ACER2: variants seen among roughly 807,000 people sequenced by gnomAD.
ACER2 encodes the protein alkaline ceramidase 2.
Under a neutral mutation model 34.7 loss-of-function variants are expected in ACER2, and 26 were observed. The observed-to-expected ratio is 0.75, with a 90% CI of 0.55 to 1.04. The LOEUF (loss-of-function observed/expected upper bound fraction) is 1.04. Among genes scored for constraint, ACER2 ranks in the 50% least tolerant of loss-of-function variants. The probability of loss-of-function intolerance (pLI) is 0.00; values close to 1 mark genes in which losing one functional copy is unlikely to be tolerated. For missense variants in ACER2, 352 were observed against 340.8 expected (o/e 1.03, Z -0.26); for synonymous variants, 138 against 132.1 (o/e 1.04, Z -0.31).
Position 19,430,128 on chromosome 9 carries a change from T to A in ACER2, c.366-4819T>A, listed in dbSNP as rs892837817. On this transcript the variant is annotated intron_variant, in intron 3 of 5. Coordinates refer to ENST00000340967, the MANE Select transcript of ACER2 (RefSeq NM_001010887.3). The stretch of plus-strand genomic sequence containing the variant: ...TTTTCAAGCCTATACCCTGTGTCCC[T>A]TTTTACTGTGTAAAAAAGCCAATGA... Among the ~76,000 whole-genome samples, 15 of 145,876 alleles carry A rather than the reference T, an allele frequency of 1.0e-4. 1 individual carries two copies. Among genetic ancestry groups the A allele is most frequent in the African/African-American group, 3.9e-4 (15 of 38,024 alleles).
rs1176066660 is a variant in ACER2 at position 19,451,204 on chromosome 9, C to T, written c.*568C>T. 1 of 152,318 alleles carries T rather than the reference C, an allele frequency of 6.6e-6. No homozygotes were observed. The highest frequency in any genetic ancestry group is 1.9e-4 in the East Asian group (1 of 5,202). 9.4% of individuals were successfully genotyped at this position (152,318 alleles called of 1,614,324 possible). On this transcript the variant is annotated 3_prime_UTR_variant, in exon 6 of 6. Coordinates refer to ENST00000340967, the MANE Select transcript of ACER2 (RefSeq NM_001010887.3). ...GCATCTCTTCCTGGAGAAAGCTGGCCTGCTCCAGACCCCACCATTCCCAGG... is the reference window on the plus strand; with the variant it reads ...GCATCTCTTCCTGGAGAAAGCTGGCTTGCTCCAGACCCCACCATTCCCAGG...
At chr9:19,445,267 A>G (rs1018182635) in intron 4 of ACER2, among the ~76,000 whole-genome samples, 4 of 152,182 alleles carry the variant, frequency 2.6e-5, no homozygotes, top group Non-Finnish European at 5.9e-5. Context: ...TTTTTCAGAA[A>G]ACCATTTTGT....
chr9:19,432,162 T>C (rs1165247169), intron 3 of ACER2, among the ~76,000 whole-genome samples: 1 of 152,224 alleles, frequency 6.6e-6, no homozygotes, highest in African/African-American at 2.4e-5. Context: ...TATCAATTAT[T>C]TGTCTAAGAC....
chr9:19,450,359 C>T, intron 5 of ACER2, 91 bp from the exon 6 acceptor site: 11 of 1,421,812 alleles, frequency 7.7e-6, no homozygotes, highest in African/African-American at 2.8e-5. Flanking sequence ...CAGCAAGGTG[C>T]GTGGGTTAGA....
At chr9:19,437,262 A>G (rs995020649) in intron 4 of ACER2, among the ~76,000 whole-genome samples, 8 of 152,162 alleles carry the variant, frequency 5.3e-5, no homozygotes, top group African/African-American at 1.9e-4. Context: ...CTGTTTGCCT[A>G]CGATTTCCCT....
At chr9:19,410,906 T>C (rs1309678932) in intron 1 of ACER2, among the ~76,000 whole-genome samples, 1 of 152,086 alleles carries the variant, frequency 6.6e-6, no homozygotes, top group Admixed American at 6.5e-5. Flanking sequence ...AAGAATATAG[T>C]GAAAGAGTAA....
chr9:19,441,933 C>CT (rs1831169315), intron 4 of ACER2, among the ~76,000 whole-genome samples: 1 of 152,202 alleles, frequency 6.6e-6, no homozygotes. Context: ...TCACTGCACG[C>CT]TAGTTTGCTC....
intron 4 of ACER2, among the ~76,000 whole-genome samples, chr9:19,439,554 TATC>T (rs1288055475): frequency 6.6e-6 from 1 of 152,162 alleles, no homozygotes; most frequent in Non-Finnish European, 1.5e-5. Flanking sequence ...GGGGCTTTCT[TATC>T]AGCCTGTAAA....
At chr9:19,434,727 A>C (rs954449450) in intron 3 of ACER2, among the ~76,000 whole-genome samples, 1 of 152,010 alleles carries the variant, frequency 6.6e-6, no homozygotes, top group Non-Finnish European at 1.5e-5. Flanking sequence ...GCAGCAGTAT[A>C]GTCCAGCTTC....
At chr9:19,444,300 C>T (rs1307693410) in intron 4 of ACER2, among the ~76,000 whole-genome samples, 1 of 151,206 alleles carries the variant, frequency 6.6e-6, no homozygotes, top group Non-Finnish European at 1.5e-5. Flanking sequence ...CAAGCTCCGC[C>T]TCCCGGGTTC....
Position 19,450,349 on chromosome 9 carries a change from C to T in ACER2, c.642-101C>T. Reference sequence around the variant, plus strand: ...GAGGCCCCTGGGCTGCAACTACAGTCAGCAAGGTGCGTGGGTTAGACCGGA... The same window carrying T: ...GAGGCCCCTGGGCTGCAACTACAGTTAGCAAGGTGCGTGGGTTAGACCGGA... On this transcript the variant is annotated intron_variant, in intron 5 of 5. Coordinates refer to ENST00000340967, the MANE Select transcript of ACER2 (RefSeq NM_001010887.3). The T allele has an allele frequency of 5.0e-6, 7 of 1,392,228 alleles. No individual in the cohort carries two copies. In the South Asian group the frequency reaches 1.0e-4, roughly 21 times the overall value. 86.2% of individuals were successfully genotyped at this position (1,392,228 alleles called of 1,614,324 possible).
intron 2 of ACER2, chr9:19,424,483 T>G: frequency 1.0e-6 from 1 of 985,448 alleles, no homozygotes; most frequent in Non-Finnish European, 1.2e-6. Flanking sequence ...GTTAAAGTTC[T>G]GATGTGCTGA....
chr9:19,437,337 A>C (rs1019317496), intron 4 of ACER2, among the ~76,000 whole-genome samples: 5 of 151,640 alleles, frequency 3.3e-5, no homozygotes, highest in African/African-American at 4.9e-5. Flanking sequence ...CTATTTTCTG[A>C]CTCCATTACA....
chr9:19,411,161 C>T (rs1257010872), intron 1 of ACER2, among the ~76,000 whole-genome samples: 1 of 152,150 alleles, frequency 6.6e-6, no homozygotes, highest in South Asian at 2.1e-4. Flanking sequence ...GTAGTGAGTG[C>T]TAAAGTCTTT....
intron 1 of ACER2, among the ~76,000 whole-genome samples, chr9:19,419,541 G>A (rs867445188): frequency 3.9e-5 from 6 of 152,124 alleles, no homozygotes; most frequent in African/African-American, 9.7e-5. Flanking sequence ...TGAGGCAGGC[G>A]GATCACTTGA....
intron 4 of ACER2, among the ~76,000 whole-genome samples, chr9:19,436,161 C>T (rs1372450263): frequency 2.0e-5 from 3 of 151,778 alleles, no homozygotes; most frequent in East Asian, 3.9e-4. Context: ...AAGCAGTCCT[C>T]TTGCCTCAGC....
rs567650852 is a variant in ACER2, at chr9:19,424,648, A to G, written c.224-52A>G. The G allele has an allele frequency of 1.9e-6, 3 of 1,608,442 alleles. No homozygotes were observed. In the South Asian group the frequency reaches 3.3e-5, roughly 18 times the overall value. Reference sequence around the variant, plus strand: ...GGACTATCCTTAAGCAGTGTATTGAATTTGTGTCTCTTCTGTGGTGACCTT... The same window carrying G: ...GGACTATCCTTAAGCAGTGTATTGAGTTTGTGTCTCTTCTGTGGTGACCTT... On this transcript the variant is annotated intron_variant, in intron 2 of 5. Coordinates refer to ENST00000340967, the MANE Select transcript of ACER2 (RefSeq NM_001010887.3).
At chr9:19,409,847 TGAAAG>T in intron 1 of ACER2, 4 of 985,376 alleles carry the variant, frequency 4.1e-6, no homozygotes, top group Non-Finnish European at 4.8e-6. Flanking sequence ...GTCTGAGGGA[TGAAAG>T]GAAAGTTTGG....
chr9:19,424,440 G>A (rs1207676401), intron 2 of ACER2: 2 of 985,392 alleles, frequency 2.0e-6, no homozygotes, highest in East Asian at 2.3e-4. Context: ...AAGGCTCAGT[G>A]GATGAAGACA....
Sources: gnomAD v4.1 joint callset for allele counts (sites outside exome capture counted in the v4.1 genomes callset) on GRCh38, gnomAD v4.1.1 for gene constraint, MANE v1.5 for transcripts, NCBI Gene and HGNC (gene_info 2026-07-23, HGNC 2026-07-21) for gene names.